USP49: variants seen among roughly 807,000 people sequenced by gnomAD.
USP49 encodes ubiquitin carboxyl-terminal hydrolase 49.
USP49 carries 24 observed loss-of-function variants against 58.6 expected under a neutral mutation model. That is an observed-to-expected ratio of 0.41 (90% confidence interval 0.30 to 0.58). USP49 has a LOEUF of 0.58. Ranked by LOEUF, USP49 falls within the 20% of genes least tolerant of loss-of-function variation. USP49 has a pLI of 0.30. For missense variants in USP49, 703 were observed against 866.1 expected (o/e 0.81, Z 2.36); for synonymous variants, 408 against 365.1 (o/e 1.12, Z -1.34).
At chr6:41,834,620 T>C (rs1471617415) in intron 3 of USP49, among the ~76,000 whole-genome samples, 2 of 152,174 alleles carry the variant, frequency 1.3e-5, no homozygotes, top group African/African-American at 4.8e-5. Context: ...TCTCACGAGA[T>C]CCAGTTGTTT....
Position 41,803,839 on chromosome 6 carries a change from C to T in USP49, c.1528G>A (p.Glu510Lys). ...TGGTCACAAGCGTAGATTCTCCCTT[C>T]CAGGGCCTCTGTCTCTGTGAATTTG... is the stretch of plus-strand genomic sequence containing the variant. ...LAKFTETEALEGRIYACDQCN... is the reference protein window; with the variant it reads ...LAKFTETEALKGRIYACDQCN... The change falls in exon 5 of 8, where the codon GAA (glutamate) becomes AAA (lysine). Residue 510 changes from glutamate to lysine, a missense_variant. By Grantham distance (56) the Glu-to-Lys change is moderately conservative (BLOSUM62 1). This residue lies in a region of USP49 where 158 missense variants were observed against 241.2 expected (regional missense o/e 0.66). Coordinates refer to ENST00000682992, the MANE Select transcript of USP49 (RefSeq NM_001286554.2). The surrounding 1 kb of genome is among the most constrained non-coding windows in gnomAD (Gnocchi z 4.1). 1 of 1,614,220 alleles carries T rather than the reference C, an allele frequency of 6.2e-7. No homozygotes were observed. Among genetic ancestry groups the T allele is most frequent in the Non-Finnish European group, 8.5e-7 (1 of 1,180,026 alleles).
Position 41,806,864 on chromosome 6 carries a change from C to A in USP49, c.120G>T (p.Lys40Asn). The change falls in exon 4 of 8, where the codon AAG becomes AAT. Residue 40 changes from lysine to asparagine, a missense_variant. Physicochemically the swap from Lys to Asn is moderately conservative, Grantham distance 94. Transcript: ENST00000682992. The surrounding 1 kb of genome is among the most constrained non-coding windows in gnomAD (Gnocchi z 5.9). ...ATTESVWACL[K>N]CSHVACGRYI... ...AGCGGCCGCAGGCCACGTGGGAGCA[C>A]TTGAGGCAGGCCCACACGGACTCGG... The A allele has an allele frequency of 1.9e-6, 3 of 1,614,100 alleles. No homozygotes were observed. Among genetic ancestry groups the A allele is most frequent in the East Asian group, 2.2e-5 (1 of 44,872 alleles).
At chr6:41,894,091 G>T (rs1293719875) in intron 1 of USP49, 1 of 150,024 alleles carries the variant, frequency 6.7e-6, no homozygotes, top group East Asian at 2.0e-4. Flanking sequence ...CATCCATCAG[G>T]ACTCCCCCAG....
chr6:41,863,065 C>T (rs1774251155), intron 3 of USP49, among the ~76,000 whole-genome samples: 1 of 152,144 alleles, frequency 6.6e-6, no homozygotes, highest in Non-Finnish European at 1.5e-5. Context: ...ATGTGAGCCA[C>T]CGCACCTGGC....
At chr6:41,850,316 G>C (rs879337761) in intron 3 of USP49, among the ~76,000 whole-genome samples, 1 of 151,658 alleles carries the variant, frequency 6.6e-6, no homozygotes, top group Non-Finnish European at 1.5e-5. Context: ...GGTGGCACAC[G>C]CCTCTAGTCC....
intron 3 of USP49, among the ~76,000 whole-genome samples, chr6:41,837,043 C>T (rs142841307): frequency 1.3e-5 from 2 of 152,238 alleles, no homozygotes; most frequent in East Asian, 3.9e-4. Flanking sequence ...CCAAAGCAAT[C>T]TACAGATTCA....
chr6:41,814,525 GGA>G (rs1038000298), intron 3 of USP49, among the ~76,000 whole-genome samples: 1 of 151,924 alleles, frequency 6.6e-6, no homozygotes, highest in African/African-American at 2.4e-5. Flanking sequence ...CCTTTTAATT[GGA>G]GTATTTCAAT....
chr6:41,872,371 G>A (rs988097290), intron 2 of USP49, among the ~76,000 whole-genome samples: 5 of 152,098 alleles, frequency 3.3e-5, no homozygotes, highest in African/African-American at 1.2e-4. Context: ...TCCCGGCCGG[G>A]CGTCCGCCGC....
At chr6:41,891,510 G>A (rs972439459) in intron 2 of USP49, among the ~76,000 whole-genome samples, 3 of 152,174 alleles carry the variant, frequency 2.0e-5, no homozygotes, top group Admixed American at 6.5e-5. Flanking sequence ...AGTGCTTACA[G>A]AAGTATCTGG....
chr6:41,817,499 G>A (rs1285917026), intron 3 of USP49, among the ~76,000 whole-genome samples: 1 of 114,016 alleles, frequency 8.8e-6, no homozygotes, highest in Non-Finnish European at 1.7e-5. Context: ...TTGCTCTGTC[G>A]CCCAGGCTGC....
At chr6:41,865,237 G>T (rs549432112) in intron 3 of USP49, among the ~76,000 whole-genome samples, 1 of 152,142 alleles carries the variant, frequency 6.6e-6, no homozygotes, top group South Asian at 2.1e-4. Context: ...TAGAGACGGG[G>T]TTTCACCATG....
At chr6:41,839,605 C>A (rs1005483576) in intron 3 of USP49, among the ~76,000 whole-genome samples, 1 of 151,652 alleles carries the variant, frequency 6.6e-6, no homozygotes, top group East Asian at 1.9e-4. Context: ...AAATGCCTAT[C>A]AACCAACGAG....
chr6:41,798,835 A>G lies in USP49; in HGVS notation c.1765T>C (p.Ser589Pro). 6.2e-7 allele frequency: 1 copy of G among 1,614,078 alleles called. No individual in the cohort carries two copies. ...GCAAAGGTCTCTTTGTCAAGAGAGGAGAGCATGTCCCTGCAGCAGTAAGGT... is the reference window on the plus strand; with the variant it reads ...GCAAAGGTCTCTTTGTCAAGAGAGGGGAGCATGTCCCTGCAGCAGTAAGGT... ...MEPYCCRDML[S>P]SLDKETFAYD... Residue 589 changes from serine (S) to proline (P), a missense_variant, in exon 7 of 8, where the codon TCC becomes CCC. Physicochemically the swap from Ser to Pro is moderately conservative, Grantham distance 74. Around this residue, in one of 6 missense-constraint regions of USP49, gnomAD observed 158 missense variants for 241.2 expected, o/e 0.66. Transcript: ENST00000682992.
intron 3 of USP49, among the ~76,000 whole-genome samples, chr6:41,861,172 A>C (rs1582026904): frequency 6.7e-6 from 1 of 150,334 alleles, no homozygotes; most frequent in East Asian, 2.0e-4. Flanking sequence ...GGCCGGGCGC[A>C]GTGGCTCACG....
In USP49 at chr6:41,808,652, C is replaced by T. The variant is rs547005679; in HGVS notation, c.-28-1641G>A. ...GTCCCGATCTCTTGACCTCGTGATC[C>T]GCCCACCTCAGCCTCCCAAAGTGCT... On this transcript the variant is annotated intron_variant, in intron 3 of 7. Coordinates refer to ENST00000682992, the MANE Select transcript of USP49 (RefSeq NM_001286554.2). Among the ~76,000 whole-genome samples, 5 of 152,132 alleles carry T rather than the reference C, an allele frequency of 3.3e-5. No homozygotes were observed. The South Asian group carries it at 8.3e-4, about 25-fold the overall frequency.
At position 41,826,647 on chromosome 6, in the gene USP49, GA is replaced by G. The variant is rs954867202; in HGVS notation, c.-28-19637del. On this transcript the variant is annotated intron_variant, in intron 3 of 7. Transcript: ENST00000682992. ...GTTTTATCTTCTGAGGTTGAAGTTAGAAAAAAAAAAATACAGTGGACACAAT... is the reference window on the plus strand; with the variant it reads ...GTTTTATCTTCTGAGGTTGAAGTTAGAAAAAAAAAATACAGTGGACACAAT... Among the ~76,000 whole-genome samples, 825 of 144,560 alleles carry G rather than the reference GA, an allele frequency of 5.7e-3. 12 individuals carry two copies. Among genetic ancestry groups the G allele is most frequent in the African/African-American group, 0.019 (764 of 39,688 alleles). 94.8% of individuals were successfully genotyped at this position (144,560 alleles called of 152,430 possible).
intron 3 of USP49, among the ~76,000 whole-genome samples, chr6:41,812,370 C>T (rs890676195): frequency 6.7e-6 from 1 of 149,622 alleles, no homozygotes; most frequent in African/African-American, 2.4e-5. Flanking sequence ...TGAGCCACTG[C>T]GCCCGGCCAG....
intron 2 of USP49, among the ~76,000 whole-genome samples, chr6:41,879,862 T>A (rs1447453430): frequency 6.6e-6 from 1 of 152,152 alleles, no homozygotes; most frequent in Admixed American, 6.5e-5. Flanking sequence ...GCTAGAGGTG[T>A]CCTCTCCAAG....
At chr6:41,873,063 ATTTGGT>A (rs1774442830) in intron 2 of USP49, 1 of 152,238 alleles carries the variant, frequency 6.6e-6, no homozygotes. Flanking sequence ...ACAGGGAAGA[ATTTGGT>A]TTTATATCGC....
Sources: gnomAD v4.1 joint callset for allele counts (sites outside exome capture counted in the v4.1 genomes callset) on GRCh38, gnomAD v4.1.1 for gene constraint, gnomAD v4.1.1 regional missense constraint, Gnocchi (gnomAD v3.1) non-coding constraint, MANE v1.5 for transcripts, NCBI Gene and HGNC (gene_info 2026-07-23, HGNC 2026-07-21) for gene names.